Variants in DNAJC15 observed in about 807,000 individuals in gnomAD.
The protein encoded by DNAJC15 is DnaJ heat shock protein family (Hsp40) member C15.
A neutral mutation model predicts 22.4 loss-of-function variants in DNAJC15; 27 were observed. The ratio of observed to expected loss-of-function variants is 1.20; its 90% CI spans 0.89 to 1.66. The LOEUF (loss-of-function observed/expected upper bound fraction) is 1.66, where lower values mean the gene tolerates loss of function less well. Among genes scored for constraint, DNAJC15 ranks in the 40% most tolerant of loss-of-function variants. DNAJC15 has a pLI of 0.00. For missense variants in DNAJC15, 208 were observed against 187.1 expected, an observed-to-expected ratio of 1.11 and a Z score of -0.65; for synonymous variants, 79 against 63.2, an observed-to-expected ratio of 1.25 and a Z score of -1.19.
intron 4 of DNAJC15, 162 bp downstream of exon 4, chr13:43,078,850 C>A (rs2040648218): frequency 2.0e-6 from 1 of 498,210 alleles, no homozygotes; most frequent in Non-Finnish European, 3.3e-6. Context: ...CTAAAAGTAT[C>A]CCACTCCCCT....
rs970461742 is a variant in DNAJC15, at chr13:43,113,672, A to G, written c.*6424A>G. On this transcript the variant is annotated 3_prime_UTR_variant, in exon 6 of 6. Transcript: ENST00000379221. ...AACTCAGTGATCTTTCCATTTATCTATTCTTGGATTAGTGGTGCCTTTGCT... is the reference window on the plus strand; with the variant it reads ...AACTCAGTGATCTTTCCATTTATCTGTTCTTGGATTAGTGGTGCCTTTGCT... 1 of 152,144 alleles carries G rather than the reference A, an allele frequency of 6.6e-6. No individual in the cohort carries two copies. The highest frequency in any genetic ancestry group is 2.4e-5 in the African/African-American group (1 of 41,434). 9.4% of individuals were successfully genotyped at this position (152,144 alleles called of 1,614,324 possible).
At chr13:43,084,038 A>G (rs980676628) in intron 4 of DNAJC15, among the ~76,000 whole-genome samples, 3 of 152,220 alleles carry the variant, frequency 2.0e-5, no homozygotes, top group Non-Finnish European at 4.4e-5. Context: ...AGGAACTGCC[A>G]AAGACTAGAA....
rs543257331 is a variant in DNAJC15 at position 43,027,271 on chromosome 13, C to T, written c.108+3537C>T. ...AATTTTTATTTTAAGTTCCGGGGTA[C>T]ATGTGCTAGATGTGCAGGTTTGTTA... On this transcript the variant is annotated intron_variant, in intron 1 of 5. Transcript: ENST00000379221. 2.2e-4 allele frequency among the ~76,000 whole-genome samples: 34 copies of T among 152,250 alleles called. 1 individual carries two copies. The highest frequency in any genetic ancestry group is 7.9e-4 in the African/African-American group (33 of 41,556).
intron 3 of DNAJC15, among the ~76,000 whole-genome samples, chr13:43,069,834 A>G (rs916491231): frequency 6.6e-6 from 1 of 152,322 alleles, no homozygotes; most frequent in Admixed American, 6.5e-5. Flanking sequence ...AACAGTAATT[A>G]AACAGGGAAA....
In DNAJC15 at chr13:43,078,121, G is replaced by A. The variant is rs1357026284; in HGVS notation, c.235-491G>A. Among the ~76,000 whole-genome samples, 11 of 152,088 alleles carry A rather than the reference G, an allele frequency of 7.2e-5. No individual in the cohort carries two copies. The South Asian group carries it at 8.3e-4, about 12-fold the overall frequency. The stretch of plus-strand genomic sequence containing the variant: ...GAGTCCTCCTTTTCTCCTTGTTCAC[G>A]CCTCTCCAGCAGCATTGAAACCTTT... On this transcript the variant is annotated intron_variant, in intron 3 of 5. Transcript: ENST00000379221.
chr13:43,105,676 T>A (rs894254640), intron 5 of DNAJC15, among the ~76,000 whole-genome samples: 1 of 152,210 alleles, frequency 6.6e-6, no homozygotes, highest in African/African-American at 2.4e-5. Flanking sequence ...GATTTAAATA[T>A]CCATAATGCA....
intron 5 of DNAJC15, among the ~76,000 whole-genome samples, chr13:43,086,262 A>G (rs768119298): frequency 6.6e-6 from 1 of 152,200 alleles, no homozygotes; most frequent in Non-Finnish European, 1.5e-5. Context: ...GAATTTCTGA[A>G]TTTTATTCTG....
chr13:43,060,905 C>T (rs2040555671), intron 1 of DNAJC15, among the ~76,000 whole-genome samples: 2 of 152,152 alleles, frequency 1.3e-5, no homozygotes, highest in East Asian at 3.8e-4. Flanking sequence ...AGTGTCTACC[C>T]AGACCAAGAG....
intron 1 of DNAJC15, among the ~76,000 whole-genome samples, chr13:43,063,845 G>A (rs886894680): frequency 6.6e-6 from 1 of 152,178 alleles, no homozygotes; most frequent in Non-Finnish European, 1.5e-5. Context: ...AAGGGAAGAA[G>A]ATATAATTCA....
chr13:43,077,170 G>A (rs1056480216), intron 3 of DNAJC15, among the ~76,000 whole-genome samples: 5 of 152,224 alleles, frequency 3.3e-5, no homozygotes, highest in Admixed American at 6.5e-5. Context: ...TAGTATATCC[G>A]AAATCATTCT....
intron 1 of DNAJC15, among the ~76,000 whole-genome samples, chr13:43,051,102 G>T (rs1309380850): frequency 6.6e-6 from 1 of 152,102 alleles, no homozygotes; most frequent in Admixed American, 6.5e-5. Context: ...AGCCTCCCGA[G>T]TAGCTGGGAT....
chr13:43,104,069 A>C (rs2040784026), intron 5 of DNAJC15, among the ~76,000 whole-genome samples: 1 of 152,154 alleles, frequency 6.6e-6, no homozygotes, highest in Non-Finnish European at 1.5e-5. Context: ...ATTTATATAG[A>C]ATAAAATGCA....
At chr13:43,035,950 C>T (rs572273309) in intron 1 of DNAJC15, among the ~76,000 whole-genome samples, 128 of 152,148 alleles carry the variant, frequency 8.4e-4, no homozygotes, top group African/African-American at 2.5e-3. Context: ...TGGTCTTGAA[C>T]TCCTGGGCTC....
intron 4 of DNAJC15, among the ~76,000 whole-genome samples, chr13:43,084,019 T>C: frequency 6.6e-6 from 1 of 152,220 alleles, no homozygotes; most frequent in South Asian, 2.1e-4. Flanking sequence ...AGGTAGCAAG[T>C]AACTAGCAAG....
At chr13:43,098,432 T>A (rs1227055752) in intron 5 of DNAJC15, among the ~76,000 whole-genome samples, 1 of 152,200 alleles carries the variant, frequency 6.6e-6, no homozygotes, top group Non-Finnish European at 1.5e-5. Context: ...ATATATTTAT[T>A]GGGTAAGAGG....
At position 43,056,030 on chromosome 13, in the gene DNAJC15, C is replaced by T. The variant is rs572299997; in HGVS notation, c.109-9656C>T. Among the ~76,000 whole-genome samples, 600 of 151,942 alleles carry T rather than the reference C, an allele frequency of 3.9e-3. 4 individuals carry two copies. Among genetic ancestry groups the T allele is most frequent in the African/African-American group, 0.014 (562 of 41,450 alleles). The stretch of plus-strand genomic sequence containing the variant: ...CATTCAGGAGCAGGTTATTTAATTT[C>T]TATGTATTTGCATGGTTTTGAGGGT... On this transcript the variant is annotated intron_variant, in intron 1 of 5. Transcript: ENST00000379221.
At chr13:43,026,348 G>C (rs1265741215) in intron 1 of DNAJC15, among the ~76,000 whole-genome samples, 1 of 152,082 alleles carries the variant, frequency 6.6e-6, no homozygotes, top group Non-Finnish European at 1.5e-5. Context: ...TGTTACACAG[G>C]CTTGTCTCAT....
At chr13:43,029,027 A>G (rs540637810) in intron 1 of DNAJC15, among the ~76,000 whole-genome samples, 53 of 152,350 alleles carry the variant, frequency 3.5e-4, no homozygotes, top group Non-Finnish European at 5.9e-4. Flanking sequence ...TTTGTCTATG[A>G]AATAGCTATT....
intron 2 of DNAJC15, 88 bp from the exon 3 acceptor site, chr13:43,068,842 T>C: frequency 2.8e-6 from 3 of 1,054,974 alleles, no homozygotes; most frequent in Non-Finnish European, 4.1e-6. Flanking sequence ...ATATAAACTA[T>C]CAATAAATAC....
Sources: gnomAD v4.1 joint callset for allele counts (sites outside exome capture counted in the v4.1 genomes callset) on GRCh38, gnomAD v4.1.1 for gene constraint, MANE v1.5 for transcripts, NCBI Gene and HGNC (gene_info 2026-07-23, HGNC 2026-07-21) for gene names.